Variants in NKAIN2 observed in about 807,000 individuals in gnomAD.
NKAIN2 encodes the protein sodium/potassium transporting ATPase interacting 2.
In NKAIN2, 14 loss-of-function variants were observed where a neutral mutation model predicts 32.6. The ratio of observed to expected loss-of-function variants is 0.43; its 90% CI spans 0.28 to 0.67. The LOEUF (loss-of-function observed/expected upper bound fraction) is 0.67. NKAIN2 is among the 30% of genes least tolerant of loss of function. The pLI is 0.17. For synonymous variants in NKAIN2, 80 were observed against 87.2 expected, an observed-to-expected ratio of 0.92 and a Z score of 0.46; for missense variants, 198 against 258.3, an observed-to-expected ratio of 0.77 and a Z score of 1.60.
chr6:124,259,867 A>AGAG (rs1794148199), intron 1 of NKAIN2, among the ~76,000 whole-genome samples: 2 of 152,150 alleles, frequency 1.3e-5, no homozygotes, highest in African/African-American at 4.8e-5. Flanking sequence ...ATACAAAAAT[A>AGAG]GAGTGTTATG....
intron 1 of NKAIN2, among the ~76,000 whole-genome samples, chr6:124,075,874 G>T (rs949488637): frequency 6.6e-6 from 1 of 152,182 alleles, no homozygotes; most frequent in African/African-American, 2.4e-5. Flanking sequence ...GTGATTACAG[G>T]CATGAGCCAC....
At chr6:124,712,872 A>T (rs1416983318) in intron 4 of NKAIN2, among the ~76,000 whole-genome samples, 1 of 152,082 alleles carries the variant, frequency 6.6e-6, no homozygotes, top group African/African-American at 2.4e-5. Context: ...CTATTTCTTA[A>T]GCAGAATAAC....
intron 3 of NKAIN2, among the ~76,000 whole-genome samples, chr6:124,496,963 C>T (rs73580565): frequency 2.6e-3 from 393 of 152,104 alleles, no homozygotes; most frequent in African/African-American, 9.0e-3. Context: ...TCTGGACCTG[C>T]GGTTCTACTC....
chr6:124,383,937 AG>A (rs1772766880), intron 3 of NKAIN2, among the ~76,000 whole-genome samples: 1 of 152,194 alleles, frequency 6.6e-6, no homozygotes, highest in Admixed American at 6.5e-5. Context: ...TCTCTCCATT[AG>A]GGAAATAAGA....
At chr6:124,559,387 G>A (rs1458067162) in intron 3 of NKAIN2, among the ~76,000 whole-genome samples, 1 of 152,042 alleles carries the variant, frequency 6.6e-6, no homozygotes, top group African/African-American at 2.4e-5. Flanking sequence ...AAGAAGTGAC[G>A]AGCTGAGGCT....
At chr6:124,002,972 A>G (rs1367074589) in intron 1 of NKAIN2, among the ~76,000 whole-genome samples, 1 of 152,166 alleles carries the variant, frequency 6.6e-6, no homozygotes, top group East Asian at 1.9e-4. Flanking sequence ...CTCCATTTGG[A>G]GCATTGTGTT....
chr6:124,277,592 A>G (rs1795098328), intron 1 of NKAIN2, among the ~76,000 whole-genome samples: 1 of 152,154 alleles, frequency 6.6e-6, no homozygotes, highest in Admixed American at 6.6e-5. Flanking sequence ...TTAACTTTTG[A>G]CAAGTTTGTT....
At chr6:124,750,708 T>G (rs1247562063) in intron 4 of NKAIN2, among the ~76,000 whole-genome samples, 1 of 152,102 alleles carries the variant, frequency 6.6e-6, no homozygotes, top group Non-Finnish European at 1.5e-5. Context: ...GTTTACATTT[T>G]TATTCCTATA....
At chr6:124,701,076 A>G (rs953734261) in intron 4 of NKAIN2, among the ~76,000 whole-genome samples, 1 of 151,162 alleles carries the variant, frequency 6.6e-6, no homozygotes, top group Admixed American at 6.6e-5. Context: ...ATTTATTCAT[A>G]CACTGTGATC....
At chr6:124,410,697 A>G (rs1774121869) in intron 3 of NKAIN2, among the ~76,000 whole-genome samples, 1 of 152,158 alleles carries the variant, frequency 6.6e-6, no homozygotes, top group African/African-American at 2.4e-5. Context: ...AGAGTTCTGT[A>G]GATGTCTATT....
rs530217189 is a variant in NKAIN2, at chr6:124,186,077, T to A, written c.55-96928T>A. 2.1e-5 allele frequency among the ~76,000 whole-genome samples: 3 copies of A among 145,640 alleles called. No individual in the cohort carries two copies. The South Asian group carries it at 6.4e-4, about 31-fold the overall frequency. ...CAGAAGGATTACTTGAGGCCAGGAG[T>A]TAGAGACCAGCCTAGGCAACATAGT... On this transcript the variant is annotated intron_variant, in intron 1 of 6. Transcript: ENST00000368417.
chr6:124,090,587 C>G (rs1170651839), intron 1 of NKAIN2, among the ~76,000 whole-genome samples: 1 of 152,032 alleles, frequency 6.6e-6, no homozygotes, highest in African/African-American at 2.4e-5. Flanking sequence ...CAGACATCTT[C>G]TAAAACCTAA....
intron 3 of NKAIN2, among the ~76,000 whole-genome samples, chr6:124,539,377 CTCTTT>C (rs1192778229): frequency 6.6e-6 from 1 of 152,058 alleles, no homozygotes; most frequent in African/African-American, 2.4e-5. Flanking sequence ...AAAATACTCT[CTCTTT>C]TTTTTTTCAT....
intron 1 of NKAIN2, among the ~76,000 whole-genome samples, chr6:123,935,017 T>C (rs1273881015): frequency 1.3e-5 from 2 of 148,676 alleles, no homozygotes; most frequent in Non-Finnish European, 3.0e-5. Flanking sequence ...GTAAACTTAA[T>C]TTGGAGCCAG....
At chr6:124,094,014 TG>T (rs1784544655) in intron 1 of NKAIN2, among the ~76,000 whole-genome samples, 1 of 152,186 alleles carries the variant, frequency 6.6e-6, no homozygotes, top group Non-Finnish European at 1.5e-5. Context: ...ACTGGATTTT[TG>T]TCTTTCTCAC....
intron 3 of NKAIN2, among the ~76,000 whole-genome samples, chr6:124,528,226 T>G (rs1425803774): frequency 6.6e-6 from 1 of 152,190 alleles, no homozygotes; most frequent in African/African-American, 2.4e-5. Flanking sequence ...AAAGATGTAT[T>G]CAAAAGCTGT....
intron 1 of NKAIN2, among the ~76,000 whole-genome samples, chr6:124,280,968 C>T (rs1168821422): frequency 6.6e-6 from 1 of 152,150 alleles, no homozygotes; most frequent in African/African-American, 2.4e-5. Context: ...TTGGTTGTGC[C>T]ATAACAAGAA....
intron 1 of NKAIN2, among the ~76,000 whole-genome samples, chr6:123,877,395 A>G (rs898722941): frequency 6.6e-6 from 1 of 152,236 alleles, no homozygotes; most frequent in Admixed American, 6.5e-5. Flanking sequence ...GAAGCTTTTA[A>G]TGTATTAATG....
chr6:124,423,121 T>A (rs967648404), intron 3 of NKAIN2, among the ~76,000 whole-genome samples: 5 of 152,246 alleles, frequency 3.3e-5, no homozygotes, highest in Non-Finnish European at 1.5e-5. Context: ...ACACCTGTGC[T>A]CTTTCCTGTG....
Sources: allele counts gnomAD v4.1 joint callset (sites outside exome capture counted in the v4.1 genomes callset), GRCh38; gene constraint gnomAD v4.1.1; transcripts MANE v1.5; gene names NCBI Gene and HGNC (gene_info 2026-07-23, HGNC 2026-07-21).